CCNJL: variants seen among roughly 807,000 people sequenced by gnomAD.
The protein encoded by CCNJL is cyclin-J-like protein.
CCNJL carries 33 observed loss-of-function variants against 33.4 expected under a neutral mutation model. The ratio of observed to expected loss-of-function variants is 0.99; its 90% confidence interval spans 0.75 to 1.32. The LOEUF (loss-of-function observed/expected upper bound fraction) is 1.32. CCNJL is among the 40% of genes most tolerant of loss of function. CCNJL has a pLI of 0.00. For synonymous variants in CCNJL, 227 were observed against 220.9 expected, an observed-to-expected ratio of 1.03 and a Z score of -0.24; for missense variants, 512 against 499.7, an observed-to-expected ratio of 1.02 and a Z score of -0.23.
upstream of CCNJL, among the ~76,000 whole-genome samples, chr5:160,315,714 A>G (rs1170954543): frequency 1.3e-5 from 2 of 152,224 alleles, no homozygotes; most frequent in East Asian, 3.8e-4. Flanking sequence ...CTAAATTTTC[A>G]ACAAGAAATA....
rs1473402803 is a variant in CCNJL, at chr5:160,331,227, T to C, written n.206+8218A>G. Among the ~76,000 whole-genome samples the C allele has an allele frequency of 1.4e-3, 206 of 149,682 alleles. 2 individuals are homozygous for C. The highest frequency in any genetic ancestry group is 4.7e-3 in the African/African-American group (194 of 40,864). Reference sequence around the variant, plus strand: ...TTTCTTTTCTTTCTTTCTTTCTTTTTTTTTTTTTTTTTGTGAGATGGAGTC... The same window carrying C: ...TTTCTTTTCTTTCTTTCTTTCTTTTCTTTTTTTTTTTTGTGAGATGGAGTC... On this transcript the variant is annotated intron_variant and non_coding_transcript_variant, in intron 1 of 7. Coordinates refer to the CCNJL transcript ENST00000377503.
At chr5:160,262,023 A>T (rs1305275079) in intron 3 of CCNJL, among the ~76,000 whole-genome samples, 1 of 152,112 alleles carries the variant, frequency 6.6e-6, no homozygotes. Context: ...TTTTTCTCCA[A>T]TGATCATGTA....
intron 4 of CCNJL, chr5:160,258,170 C>A (rs1318940111): frequency 2.2e-6 from 1 of 454,256 alleles, no homozygotes; most frequent in East Asian, 4.5e-5. Flanking sequence ...GATACTCATG[C>A]CCATTTTAGT....
intron 2 of CCNJL, among the ~76,000 whole-genome samples, chr5:160,293,281 C>T (rs1325817923): frequency 2.0e-5 from 3 of 152,072 alleles, no homozygotes; most frequent in Admixed American, 6.6e-5. Context: ...ATTAGCTGGG[C>T]GTGGTGGTGC....
At chr5:160,323,840 G>A (rs536045564) in intron 1 of CCNJL, among the ~76,000 whole-genome samples, 32 of 152,332 alleles carry the variant, frequency 2.1e-4, no homozygotes, top group Non-Finnish European at 4.4e-4. Context: ...GAGTAAAAGA[G>A]AATTTCTTTT....
intron 2 of CCNJL, among the ~76,000 whole-genome samples, chr5:160,305,693 C>T (rs919174014): frequency 1.3e-5 from 2 of 152,334 alleles, no homozygotes; most frequent in East Asian, 1.9e-4. Context: ...AATGAATTTA[C>T]GTTCAAGCTT....
intron 1 of CCNJL, among the ~76,000 whole-genome samples, chr5:160,321,807 C>T (rs564863855): frequency 5.1e-4 from 77 of 151,912 alleles, no homozygotes; most frequent in Non-Finnish European, 1.0e-3. Flanking sequence ...GGTGTGGAGC[C>T]GAGACGGTGC....
At position 160,255,587 on chromosome 5, in the gene CCNJL, G is replaced by A; in HGVS notation, c.705C>T (p.Ser235=). ...CAATACACGTGCTGAGGTGCTCCAG[G>A]GAATAGCTTGAGATCCTCTGCAGGT... ...TRDLQRISSY[S]LEHLSTCIEI... Residue 235 remains serine, a synonymous_variant, in exon 5 of 6, where the codon TCC becomes TCT. Transcript: ENST00000257536. 5 of 1,614,166 alleles carry A rather than the reference G, an allele frequency of 3.1e-6. No homozygotes were observed. The highest frequency in any genetic ancestry group is 4.2e-6 in the Non-Finnish European group (5 of 1,180,000).
At chr5:160,335,830 C>T (rs945296544) in intron 1 of CCNJL, among the ~76,000 whole-genome samples, 10 of 151,888 alleles carry the variant, frequency 6.6e-5, no homozygotes, top group Middle Eastern at 3.4e-3. Flanking sequence ...GTGATCCTCC[C>T]GCTTCAGCTT....
intron 2 of CCNJL, among the ~76,000 whole-genome samples, chr5:160,287,068 A>T (rs936171059): frequency 1.4e-4 from 21 of 152,240 alleles, no homozygotes; most frequent in African/African-American, 4.8e-4. Flanking sequence ...ATACCTACAG[A>T]GTGTGAGGTC....
At chr5:160,304,824 T>A (rs553508963) in intron 2 of CCNJL, among the ~76,000 whole-genome samples, 1 of 149,824 alleles carries the variant, frequency 6.7e-6, no homozygotes, top group Non-Finnish European at 1.5e-5. Context: ...CTTTCTTTCT[T>A]TTTTTTTTTA....
intron 4 of CCNJL, among the ~76,000 whole-genome samples, chr5:160,257,583 T>C (rs1422218491): frequency 2.0e-5 from 3 of 151,328 alleles, no homozygotes; most frequent in Admixed American, 2.0e-4. Flanking sequence ...GAGGTAGAGG[T>C]GGGAGGATAG....
chr5:160,339,373 A>AAAAAAAAAAAAC (rs1561817491), intron 1 of CCNJL: 2 of 304,994 alleles, frequency 6.6e-6, no homozygotes, highest in Non-Finnish European at 1.3e-5. Flanking sequence ...AAAAAAAAAC[A>AAAAAAAAAAAAC]AAAAAAAACG....
intron 1 of CCNJL, 47 bp from the exon 2 acceptor site, chr5:160,312,019 C>G (rs1357570104): frequency 8.0e-7 from 1 of 1,243,400 alleles, no homozygotes; most frequent in Non-Finnish European, 1.2e-6. Context: ...ACCCCGGGCT[C>G]CGACCCCCGG....
intron 1 of CCNJL, among the ~76,000 whole-genome samples, chr5:160,324,055 C>G (rs1763506295): frequency 6.6e-6 from 1 of 152,222 alleles, no homozygotes; most frequent in African/African-American, 2.4e-5. Context: ...GATCTTGGGA[C>G]TTGTCAGCCT....
At position 160,253,138 on chromosome 5, in the gene CCNJL, G is replaced by C. The variant is rs1760880905; in HGVS notation, c.*240C>G. On this transcript the variant is annotated 3_prime_UTR_variant, in exon 6 of 6. Coordinates refer to ENST00000257536, the MANE Select transcript of CCNJL (RefSeq NM_001308173.3). ...CCCTGTGTGGGGGGACGGCCACCAA[G>C]CCATCCTTTTGTACCCTAGCCACAC... 2.4e-6 allele frequency: 1 copy of C among 410,714 alleles called. No homozygotes were observed. The highest frequency in any genetic ancestry group is 4.3e-6 in the Non-Finnish European group (1 of 232,552). The allele number at this position is 410,714 out of a possible 1,614,324, so 25.4% of individuals were successfully genotyped here. A position where few individuals can be genotyped will look rare whatever the true frequency, so the allele number is the denominator to read the frequency against.
Position 160,334,306 on chromosome 5 carries a change from T to C in CCNJL, n.206+5139A>G, listed in dbSNP as rs1581025018. 2.0e-5 allele frequency among the ~76,000 whole-genome samples: 3 copies of C among 152,334 alleles called. No individual in the cohort carries two copies. The South Asian group carries it at 6.2e-4, about 32-fold the overall frequency. On this transcript the variant is annotated intron_variant and non_coding_transcript_variant, in intron 1 of 7. Transcript: ENST00000377503. ...CACTAGGCTGCCTACTCTCGATTCA[T>C]GATTTTTACCCAGCAAAAACCCAGC...
intron 1 of CCNJL, among the ~76,000 whole-genome samples, chr5:160,334,204 C>T (rs1763654964): frequency 6.6e-6 from 1 of 152,172 alleles, no homozygotes; most frequent in Non-Finnish European, 1.5e-5. Flanking sequence ...CTGCCTCGCC[C>T]ACCGCTGTCA....
chr5:160,260,876 C>T (rs991096024), intron 3 of CCNJL, among the ~76,000 whole-genome samples: 1 of 152,180 alleles, frequency 6.6e-6, no homozygotes, highest in African/African-American at 2.4e-5. Context: ...CCACACCAGC[C>T]CCCTGTACTG....
Sources: gnomAD v4.1 joint callset for allele counts (sites outside exome capture counted in the v4.1 genomes callset) on GRCh38, gnomAD v4.1.1 for gene constraint, MANE v1.5 for transcripts, NCBI Gene and HGNC (gene_info 2026-07-23, HGNC 2026-07-21) for gene names.